SDC2: variants seen among roughly 807,000 people sequenced by gnomAD.
The protein encoded by SDC2 is syndecan 2.
A neutral mutation model predicts 22.2 loss-of-function variants in SDC2; 13 were observed. That is an observed-to-expected ratio of 0.59 (90% CI 0.38 to 0.93). SDC2 has a LOEUF of 0.93. SDC2 is among the 40% of genes least tolerant of loss of function. The pLI is 0.00. For synonymous variants in SDC2, 94 were observed against 92.8 expected, an observed-to-expected ratio of 1.01 and a Z score of -0.07; for missense variants, 235 against 246.8, an observed-to-expected ratio of 0.95 and a Z score of 0.32.
At chr8:96,511,684 C>T (rs1328322913) in intron 1 of SDC2, among the ~76,000 whole-genome samples, 5 of 152,060 alleles carry the variant, frequency 3.3e-5, no homozygotes, top group Non-Finnish European at 5.9e-5. Context: ...TAATGAAAAT[C>T]CCAACTCAGA....
chr8:96,495,947 T>C (rs1232787983), intron 1 of SDC2, among the ~76,000 whole-genome samples: 1 of 152,222 alleles, frequency 6.6e-6, no homozygotes, highest in African/African-American at 2.4e-5. Flanking sequence ...TCCCAGCCAG[T>C]TAGGATGAAC....
rs35998270 is a variant in SDC2 at position 96,501,295 on chromosome 8, C to CTT, written c.60+6992_60+6993dup. On this transcript the variant is annotated intron_variant, in intron 1 of 4. Transcript: ENST00000302190. ...TAAGGGAAAAGTTAAATACGTATTT[C>CTT]TTTTTTTTTTTTTTTTTTTTTTTTT... Among the ~76,000 whole-genome samples the CTT allele has an allele frequency of 5.3e-3, 294 of 55,192 alleles. 33 individuals are homozygous for CTT. The highest frequency in any genetic ancestry group is 6.9e-3 in the Non-Finnish European group (200 of 28,932). 36.2% of individuals were successfully genotyped at this position (55,192 alleles called of 152,430 possible). A position where few individuals can be genotyped will look rare whatever the true frequency, so the allele number is the denominator to read the frequency against.
intron 1 of SDC2, among the ~76,000 whole-genome samples, chr8:96,582,120 G>T (rs1034819568): frequency 9.2e-5 from 14 of 152,242 alleles, no homozygotes; most frequent in African/African-American, 3.4e-4. Context: ...TTCATAATGG[G>T]CTCTAATACC....
chr8:96,509,168 C>T (rs1382831139), intron 1 of SDC2, among the ~76,000 whole-genome samples: 1 of 141,944 alleles, frequency 7.0e-6, no homozygotes, highest in African/African-American at 2.5e-5. Context: ...TCTATGCTTC[C>T]ATTTTCACAT....
At chr8:96,567,733 G>A (rs369394495) in intron 1 of SDC2, among the ~76,000 whole-genome samples, 24 of 152,176 alleles carry the variant, frequency 1.6e-4, no homozygotes, top group African/African-American at 3.1e-4. Context: ...GAATAATTTC[G>A]TTGTCATAGA....
chr8:96,555,989 C>T (rs1814103528), intron 1 of SDC2, among the ~76,000 whole-genome samples: 1 of 151,932 alleles, frequency 6.6e-6, no homozygotes, highest in Non-Finnish European at 1.5e-5. Flanking sequence ...ACTTCGTAAG[C>T]TTGGTTGCCA....
In SDC2 at chr8:96,578,387, G is replaced by A. The variant is rs1188866475; in HGVS notation, c.61-15093G>A. 3.9e-5 allele frequency among the ~76,000 whole-genome samples: 6 copies of A among 152,184 alleles called. No homozygotes were observed. In the East Asian group the frequency reaches 5.8e-4, roughly 15 times the overall value. On this transcript the variant is annotated intron_variant, in intron 1 of 4. Transcript: ENST00000302190. ...TTGGTTGTACTAGCCACATATCAGC[G>A]ACTCAATAGCCATATGTGGCTATTT...
chr8:96,522,167 C>T (rs1374900884), intron 1 of SDC2, among the ~76,000 whole-genome samples: 1 of 151,988 alleles, frequency 6.6e-6, no homozygotes, highest in African/African-American at 2.4e-5. Context: ...ATATCTATAG[C>T]TGTAAATAAA....
chr8:96,528,068 A>G (rs1813605310), intron 1 of SDC2, among the ~76,000 whole-genome samples: 1 of 151,572 alleles, frequency 6.6e-6, no homozygotes, highest in South Asian at 2.1e-4. Context: ...CGTATGGAAT[A>G]ACTTAATTAT....
chr8:96,596,974 A>C (rs28437683), intron 2 of SDC2, among the ~76,000 whole-genome samples: 1 of 151,868 alleles, frequency 6.6e-6, no homozygotes, highest in Non-Finnish European at 1.5e-5. Context: ...TGTTAAACTC[A>C]GGATGATTGG....
At chr8:96,549,774 A>G (rs143380752) in intron 1 of SDC2, among the ~76,000 whole-genome samples, 131 of 152,304 alleles carry the variant, frequency 8.6e-4, no homozygotes, top group Non-Finnish European at 1.6e-3. Context: ...TTTACTATTA[A>G]ATTTGATTTT....
At chr8:96,605,267 T>G (rs2130658828) in intron 3 of SDC2, among the ~76,000 whole-genome samples, 1 of 152,372 alleles carries the variant, frequency 6.6e-6, no homozygotes, top group Admixed American at 6.5e-5. Flanking sequence ...TCACCAGAAC[T>G]TGTTTACCTC....
chr8:96,567,846 A>G (rs1814326149), intron 1 of SDC2, among the ~76,000 whole-genome samples: 2 of 152,216 alleles, frequency 1.3e-5, no homozygotes, highest in Non-Finnish European at 2.9e-5. Context: ...TCCGTTGAGC[A>G]CAGTGCCAGG....
At position 96,552,420 on chromosome 8, in the gene SDC2, G is replaced by A. The variant is rs142619815; in HGVS notation, c.61-41060G>A. Among the ~76,000 whole-genome samples, 23 of 152,286 alleles carry A rather than the reference G, an allele frequency of 1.5e-4. No homozygotes were observed. The South Asian group carries it at 1.7e-3, about 11-fold the overall frequency. ...AAATCGTGCTGTGTTGTTACTGTGCGTTTGGCTGAATTCTGTTCAACCTCT... is the reference window on the plus strand; with the variant it reads ...AAATCGTGCTGTGTTGTTACTGTGCATTTGGCTGAATTCTGTTCAACCTCT... On this transcript the variant is annotated intron_variant, in intron 1 of 4. Coordinates refer to ENST00000302190, the MANE Select transcript of SDC2 (RefSeq NM_002998.4).
intron 1 of SDC2, among the ~76,000 whole-genome samples, chr8:96,559,492 T>C (rs1814172843): frequency 6.6e-6 from 1 of 152,172 alleles, no homozygotes; most frequent in African/African-American, 2.4e-5. Flanking sequence ...AACTGCAGTT[T>C]AAAGAAGCTT....
intron 1 of SDC2, among the ~76,000 whole-genome samples, chr8:96,568,123 T>C (rs746202101): frequency 1.4e-4 from 22 of 152,224 alleles, no homozygotes; most frequent in Non-Finnish European, 1.8e-4. Flanking sequence ...TTCTTTGCCT[T>C]CTGTTACAAA....
intron 1 of SDC2, among the ~76,000 whole-genome samples, chr8:96,504,915 T>A (rs1185347830): frequency 6.6e-6 from 1 of 151,538 alleles, no homozygotes; most frequent in East Asian, 1.9e-4. Context: ...AAGATTTGGG[T>A]AGGTAAAGGA....
chr8:96,508,018 C>T (rs889287071), intron 1 of SDC2, among the ~76,000 whole-genome samples: 1 of 152,002 alleles, frequency 6.6e-6, no homozygotes, highest in South Asian at 2.1e-4. Context: ...AAAAATAGGC[C>T]AGGCGCGGTG....
intron 1 of SDC2, among the ~76,000 whole-genome samples, chr8:96,519,852 T>G (rs1375337029): frequency 6.6e-6 from 1 of 152,084 alleles, no homozygotes; most frequent in African/African-American, 2.4e-5. Flanking sequence ...GGTCTTGAAC[T>G]CCTGACCTCA....
Sources: allele counts gnomAD v4.1 joint callset (sites outside exome capture counted in the v4.1 genomes callset), GRCh38; gene constraint gnomAD v4.1.1; transcripts MANE v1.5; gene names NCBI Gene and HGNC (gene_info 2026-07-23, HGNC 2026-07-21).